Variants in TAFA1 observed in about 807,000 individuals in gnomAD.
TAFA1 encodes the protein TAFA chemokine like family member 1.
TAFA1 carries 4 observed loss-of-function variants against 18.5 expected under a neutral mutation model. The ratio of observed to expected loss-of-function variants is 0.22; its 90% CI spans 0.11 to 0.49. The LOEUF is 0.49. TAFA1 is among the 20% of genes least tolerant of loss of function. The probability of loss-of-function intolerance (pLI) is 0.98; values close to 1 mark genes in which losing one functional copy is unlikely to be tolerated. For missense variants in TAFA1, 147 were observed against 169.0 expected (o/e 0.87, Z 0.72); for synonymous variants, 56 against 55.2 (o/e 1.01, Z -0.06).
rs142170385 is a variant in TAFA1 at position 68,063,458 on chromosome 3, A to G, written c.118+56714A>G. ...TTTGCGCATGGACAAGAAGTATAAA[A>G]TGAAAATAGTTTTTGAAAGTAAAAA... On this transcript the variant is annotated intron_variant, in intron 2 of 4. Transcript: ENST00000478136. Among the ~76,000 whole-genome samples, 147 of 152,370 alleles carry G rather than the reference A, an allele frequency of 9.6e-4. 1 individual carries two copies. Among genetic ancestry groups the G allele is most frequent in the African/African-American group, 3.3e-3 (139 of 41,592 alleles).
At chr3:68,455,553 G>A (rs901812372) in intron 3 of TAFA1, among the ~76,000 whole-genome samples, 2 of 152,066 alleles carry the variant, frequency 1.3e-5, no homozygotes, top group African/African-American at 4.8e-5. Flanking sequence ...AGGTTTCGAT[G>A]CATTCATCTC....
chr3:68,060,041 C>A (rs951005346), intron 2 of TAFA1, among the ~76,000 whole-genome samples: 12 of 151,872 alleles, frequency 7.9e-5, no homozygotes, highest in Non-Finnish European at 1.8e-4. Context: ...AAGGGGCTTG[C>A]TCCATGTATA....
intron 2 of TAFA1, among the ~76,000 whole-genome samples, chr3:68,172,142 C>T (rs970805896): frequency 6.6e-6 from 1 of 152,158 alleles, no homozygotes; most frequent in Non-Finnish European, 1.5e-5. Context: ...CTCAATAAAA[C>T]TCACACCTAT....
At chr3:68,456,509 A>T (rs1255707450) in intron 3 of TAFA1, among the ~76,000 whole-genome samples, 1 of 152,152 alleles carries the variant, frequency 6.6e-6, no homozygotes, top group Non-Finnish European at 1.5e-5. Context: ...ATCTTGACAT[A>T]TTTTAAGCCA....
At chr3:68,058,215 T>C (rs1462133104) in intron 2 of TAFA1, among the ~76,000 whole-genome samples, 1 of 152,160 alleles carries the variant, frequency 6.6e-6, no homozygotes, top group African/African-American at 2.4e-5. Flanking sequence ...GAGAAAGTTA[T>C]GCAACAACTT....
chr3:68,499,458 T>TG, intron 3 of TAFA1, among the ~76,000 whole-genome samples: 1 of 149,840 alleles, frequency 6.7e-6, no homozygotes, highest in Middle Eastern at 3.4e-3. Flanking sequence ...TTTTTTTTTT[T>TG]TTTTTTGAGA....
intron 3 of TAFA1, among the ~76,000 whole-genome samples, chr3:68,474,752 G>A (rs185045990): frequency 6.6e-6 from 1 of 152,280 alleles, no homozygotes; most frequent in East Asian, 1.9e-4. Flanking sequence ...AGGCATATAA[G>A]AAATTAAGAC....
At chr3:68,258,829 T>G (rs1006047524) in intron 2 of TAFA1, among the ~76,000 whole-genome samples, 7 of 152,204 alleles carry the variant, frequency 4.6e-5, no homozygotes, top group Non-Finnish European at 7.3e-5. Context: ...AGAAATATGC[T>G]AGGGCATGTT....
At chr3:68,008,023 C>G (rs983125376) in intron 2 of TAFA1, among the ~76,000 whole-genome samples, 4 of 152,220 alleles carry the variant, frequency 2.6e-5, no homozygotes, top group African/African-American at 7.2e-5. Context: ...CGGGCCGCCC[C>G]GGGAGAAGGG....
intron 2 of TAFA1, among the ~76,000 whole-genome samples, chr3:68,325,547 A>C (rs547033626): frequency 3.9e-4 from 60 of 152,052 alleles, no homozygotes; most frequent in Non-Finnish European, 7.8e-4. Context: ...TCACTCTATT[A>C]ATTTTGCAAC....
chr3:68,462,713 T>C (rs146376339), intron 3 of TAFA1, among the ~76,000 whole-genome samples: 1 of 152,342 alleles, frequency 6.6e-6, no homozygotes, highest in East Asian at 1.9e-4. Context: ...AGTAAACTGA[T>C]AATTTTAGGC....
intron 2 of TAFA1, among the ~76,000 whole-genome samples, chr3:68,353,214 T>G (rs72626987): frequency 0.053 from 8,016 of 152,134 alleles, 262 homozygotes; most frequent in East Asian, 0.099. Flanking sequence ...GTGTAACTGA[T>G]CCAAGCACCA....
chr3:68,214,387 T>C (rs1455624255), intron 2 of TAFA1, among the ~76,000 whole-genome samples: 3 of 152,124 alleles, frequency 2.0e-5, no homozygotes, highest in African/African-American at 2.4e-5. Context: ...GCTTTTAATA[T>C]AGTCTTCTAA....
chr3:68,061,969 G>A (rs1244106267), intron 2 of TAFA1, among the ~76,000 whole-genome samples: 1 of 151,150 alleles, frequency 6.6e-6, no homozygotes, highest in Non-Finnish European at 1.5e-5. Context: ...CAAACGATAT[G>A]GTTTTTGTTT....
chr3:68,483,535 G>C (rs1559688269), intron 3 of TAFA1, among the ~76,000 whole-genome samples: 1 of 152,166 alleles, frequency 6.6e-6, no homozygotes, highest in East Asian at 1.9e-4. Flanking sequence ...TTTTGTCCCA[G>C]TTGTCATGGG....
chr3:68,123,002 C>A (rs999678384), intron 2 of TAFA1, among the ~76,000 whole-genome samples: 1 of 140,400 alleles, frequency 7.1e-6, no homozygotes, highest in African/African-American at 2.6e-5. Flanking sequence ...AAAAAAAAAA[C>A]CCTTTTTTTT....
At chr3:68,468,704 G>A (rs1163049520) in intron 3 of TAFA1, among the ~76,000 whole-genome samples, 1 of 152,176 alleles carries the variant, frequency 6.6e-6, no homozygotes, top group Non-Finnish European at 1.5e-5. Flanking sequence ...TGTGCTCTCT[G>A]AGACCCCCAT....
At chr3:68,519,871 C>T (rs1368032543) in intron 3 of TAFA1, among the ~76,000 whole-genome samples, 4 of 152,152 alleles carry the variant, frequency 2.6e-5, no homozygotes, top group African/African-American at 7.2e-5. Flanking sequence ...TTTCAACATA[C>T]GATTTTGGGA....
chr3:68,242,722 A>G (rs1293940762), intron 2 of TAFA1, among the ~76,000 whole-genome samples: 1 of 152,162 alleles, frequency 6.6e-6, no homozygotes, highest in African/African-American at 2.4e-5. Context: ...ATATTGTTAT[A>G]TAAACTGTCA....
Sources: gnomAD v4.1 joint callset for allele counts (sites outside exome capture counted in the v4.1 genomes callset) on GRCh38, gnomAD v4.1.1 for gene constraint, MANE v1.5 for transcripts, NCBI Gene and HGNC (gene_info 2026-07-23, HGNC 2026-07-21) for gene names.